The following MTUS2 variants were observed in gnomAD, a reference collection of about 807,000 sequenced individuals.
MTUS2 encodes the protein microtubule associated scaffold protein 2, also known as microtubule-associated tumor suppressor candidate 2.
A neutral mutation model predicts 114.1 loss-of-function variants in MTUS2; 40 were observed. That is an observed-to-expected ratio of 0.35 (90% CI 0.27 to 0.46). The LOEUF is 0.46. MTUS2 is among the 20% of genes least tolerant of loss of function. MTUS2 has a pLI of 1.00. For synonymous variants in MTUS2, 688 were observed against 672.0 expected, an observed-to-expected ratio of 1.02 and a Z score of -0.37; for missense variants, 1,679 against 1,705.4, an observed-to-expected ratio of 0.98 and a Z score of 0.27.
intron 4 of MTUS2, 33 bp from the exon 5 acceptor site, chr13:29,100,740 A>G (rs1294449250): frequency 1.3e-6 from 2 of 1,547,024 alleles, no homozygotes; most frequent in South Asian, 2.4e-5. Flanking sequence ...TGAACTGAGA[A>G]TAATTTTTTA....
intron 1 of MTUS2, among the ~76,000 whole-genome samples, chr13:28,825,490 A>C (rs780091857): frequency 6.2e-4 from 94 of 152,304 alleles, no homozygotes; most frequent in Non-Finnish European, 1.1e-3. Flanking sequence ...GGGGTTGGTT[A>C]GGGTTTGAGG....
intron 4 of MTUS2, among the ~76,000 whole-genome samples, chr13:29,057,371 ATCTG>A (rs1331157421): frequency 6.6e-6 from 1 of 152,064 alleles, no homozygotes; most frequent in East Asian, 1.9e-4. Context: ...TGTCTCAATG[ATCTG>A]TCTAATACTA....
At position 29,368,305 on chromosome 13, in the gene MTUS2, C is replaced by T. The variant is rs116405713; in HGVS notation, c.3117+8832C>T. Reference sequence around the variant, plus strand: ...TGGGACAGCAGGTGGGACACAGTACCCTGTGTCCCACCCATCCTCTCCAGG... The same window carrying T: ...TGGGACAGCAGGTGGGACACAGTACTCTGTGTCCCACCCATCCTCTCCAGG... On this transcript the variant is annotated intron_variant, in intron 8 of 15. Coordinates refer to ENST00000612955, the MANE Select transcript of MTUS2 (RefSeq NM_001033602.4). Among the ~76,000 whole-genome samples the T allele has an allele frequency of 3.2e-3, 492 of 151,972 alleles. 1 individual carries two copies. The highest frequency in any genetic ancestry group is 0.011 in the African/African-American group (458 of 41,436).
rs370247418 is a variant in MTUS2 at position 28,973,347 on chromosome 13, A to C, written c.-242-51110A>C. 3.9e-5 allele frequency among the ~76,000 whole-genome samples: 6 copies of C among 152,276 alleles called. 1 individual carries two copies. The highest frequency in any genetic ancestry group is 1.4e-4 in the African/African-American group (6 of 41,562). On this transcript the variant is annotated intron_variant, in intron 2 of 15. Transcript: ENST00000612955. ...GTCATTATTGCATATTATAAGGGTA[A>C]GTTTTGTTTAGTTAAACTTTTTTCC...
At chr13:29,004,166 C>T (rs905972850) in intron 2 of MTUS2, among the ~76,000 whole-genome samples, 1 of 151,922 alleles carries the variant, frequency 6.6e-6, no homozygotes, top group Non-Finnish European at 1.5e-5. Flanking sequence ...TTTCTGTCTG[C>T]AACTCAGAAA....
intron 5 of MTUS2, among the ~76,000 whole-genome samples, chr13:29,173,563 T>C (rs1227760984): frequency 6.6e-6 from 1 of 152,210 alleles, no homozygotes; most frequent in African/African-American, 2.4e-5. Flanking sequence ...ATTCAAGATA[T>C]TCGTACCTTT....
At chr13:29,211,189 A>C (rs1170428346) in intron 5 of MTUS2, among the ~76,000 whole-genome samples, 1 of 151,722 alleles carries the variant, frequency 6.6e-6, no homozygotes, top group East Asian at 1.9e-4. Flanking sequence ...AGGCCAATGG[A>C]GTTATGATTC....
intron 2 of MTUS2, among the ~76,000 whole-genome samples, chr13:28,885,756 T>G (rs1222756302): frequency 6.6e-6 from 1 of 152,202 alleles, no homozygotes; most frequent in Non-Finnish European, 1.5e-5. Context: ...CCAACAAATA[T>G]TTATTGAGTT....
intron 5 of MTUS2, among the ~76,000 whole-genome samples, chr13:29,127,583 A>G (rs113431771): frequency 0.019 from 2,969 of 152,282 alleles, 106 homozygotes; most frequent in African/African-American, 0.067. Context: ...GTAGGCTTGC[A>G]CAGTGGATTT....
chr13:28,960,201 G>C (rs951839413), intron 2 of MTUS2, among the ~76,000 whole-genome samples: 1 of 152,104 alleles, frequency 6.6e-6, no homozygotes, highest in African/African-American at 2.4e-5. Context: ...CACCCACTAG[G>C]ATGGCTATAA....
chr13:29,410,894 C>T (rs1346946121), intron 8 of MTUS2, among the ~76,000 whole-genome samples: 1 of 152,138 alleles, frequency 6.6e-6, no homozygotes, highest in South Asian at 2.1e-4. Context: ...TGCAGTGGCA[C>T]GATCTCGGCT....
At chr13:29,477,374 C>G (rs1418437814) in intron 9 of MTUS2, among the ~76,000 whole-genome samples, 1 of 152,170 alleles carries the variant, frequency 6.6e-6, no homozygotes, top group East Asian at 1.9e-4. Context: ...GCTCAACTCC[C>G]TGGTGGAATC....
chr13:29,344,897 CTG>C (rs1270807743), intron 7 of MTUS2, among the ~76,000 whole-genome samples: 9 of 152,076 alleles, frequency 5.9e-5, no homozygotes, highest in Admixed American at 2.6e-4. Flanking sequence ...TGAAAAAATT[CTG>C]TGTCTTTCAT....
chr13:29,149,215 T>C lies in MTUS2; in HGVS notation c.2644+48245T>C, dbSNP rs142079299. ...CTGTTGTTTCCTGACTTTTTAATAA[T>C]TCTGACTGGCATGAAATGGTATCTC... On this transcript the variant is annotated intron_variant, in intron 5 of 15. Transcript: ENST00000612955. Among the ~76,000 whole-genome samples the C allele has an allele frequency of 2.7e-3, 414 of 152,330 alleles. 2 individuals are homozygous for C. Among genetic ancestry groups the C allele is most frequent in the African/African-American group, 9.5e-3 (394 of 41,582 alleles).
chr13:29,047,011 G>A (rs1365383972), intron 4 of MTUS2, among the ~76,000 whole-genome samples: 8 of 152,168 alleles, frequency 5.3e-5, no homozygotes, highest in Admixed American at 2.0e-4. Context: ...AAAGGCTCTC[G>A]TGCCCCCTTG....
intron 2 of MTUS2, among the ~76,000 whole-genome samples, chr13:28,920,185 A>G (rs1209978340): frequency 6.6e-6 from 1 of 152,188 alleles, no homozygotes; most frequent in Non-Finnish European, 1.5e-5. Context: ...ATGTCTGGGC[A>G]TTGAAGAGTT....
intron 5 of MTUS2, among the ~76,000 whole-genome samples, chr13:29,213,583 TA>T (rs1221653013): frequency 1.3e-5 from 2 of 152,170 alleles, no homozygotes; most frequent in African/African-American, 4.8e-5. Flanking sequence ...ATTATGAAAT[TA>T]ACTTCTTTAT....
intron 5 of MTUS2, among the ~76,000 whole-genome samples, chr13:29,143,187 GA>G (rs1394712681): frequency 1.6e-4 from 24 of 152,200 alleles, no homozygotes; most frequent in Non-Finnish European, 1.2e-4. Context: ...AAAGCACACA[GA>G]AGCCTATTGT....
intron 8 of MTUS2, among the ~76,000 whole-genome samples, chr13:29,402,360 A>G (rs146947195): frequency 6.6e-6 from 1 of 152,286 alleles, no homozygotes. Context: ...GGTTTTTCAG[A>G]TGTAGAGTGT....
Sources: gnomAD v4.1 joint callset for allele counts (sites outside exome capture counted in the v4.1 genomes callset) on GRCh38, gnomAD v4.1.1 for gene constraint, MANE v1.5 for transcripts, NCBI Gene and HGNC (gene_info 2026-07-23, HGNC 2026-07-21) for gene names.